Variants in ZNF782 observed in about 807,000 individuals in gnomAD.
ZNF782 encodes zinc finger protein 782.
Under a neutral mutation model 13.0 loss-of-function variants are expected in ZNF782, and 12 were observed. The observed-to-expected ratio is 0.92, with a 90% CI of 0.59 to 1.50. The LOEUF is 1.50. Among genes scored for constraint, ZNF782 ranks in the 40% most tolerant of loss-of-function variants. The pLI is 0.00. For synonymous variants in ZNF782, 284 were observed against 283.0 expected, an observed-to-expected ratio of 1.00 and a Z score of -0.04; for missense variants, 770 against 822.9, an observed-to-expected ratio of 0.94 and a Z score of 0.79.
the ZNF782 span, among the ~76,000 whole-genome samples, chr9:96,899,115 C>T: frequency 6.7e-6 from 1 of 149,892 alleles, no homozygotes; most frequent in African/African-American, 2.5e-5. Context: ...TAGTATTTTT[C>T]CTTTTATGAC....
the ZNF782 span, chr9:96,892,206 C>T: frequency 2.4e-4 from 37 of 152,248 alleles, no homozygotes; most frequent in East Asian, 1.2e-3. Flanking sequence ...TTAGCAAAGC[C>T]GTCTTCCTAT....
At chr9:96,870,554 C>T (rs570907766) in intron 1 of ZNF782, among the ~76,000 whole-genome samples, 3 of 152,320 alleles carry the variant, frequency 2.0e-5, no homozygotes, top group Admixed American at 6.5e-5. Flanking sequence ...TGCAACAACA[C>T]ACTCTTACAC....
chr9:96,894,698 T>A, the ZNF782 span: 1 of 152,110 alleles, frequency 6.6e-6, no homozygotes, highest in Non-Finnish European at 1.5e-5. Context: ...CATTGAAAAA[T>A]CTTTAACAAG....
chr9:96,864,259 A>C (rs1242751663), intron 1 of ZNF782, among the ~76,000 whole-genome samples: 2 of 151,844 alleles, frequency 1.3e-5, no homozygotes, highest in Admixed American at 6.6e-5. Context: ...CTGTAGGCAT[A>C]ATGGTTTTCT....
chr9:96,858,841 AC>A (rs1358836037), upstream of ZNF782, among the ~76,000 whole-genome samples: 1 of 152,196 alleles, frequency 6.6e-6, no homozygotes, highest in Non-Finnish European at 1.5e-5. This position sits in a 1 kb window ranked among gnomAD's most constrained non-coding sequence, Gnocchi z 4.4. Context: ...TCAGCAGTGG[AC>A]CTGTGGTGAG....
chr9:96,923,314 G>A, the ZNF782 span, among the ~76,000 whole-genome samples: 3 of 150,300 alleles, frequency 2.0e-5, no homozygotes, highest in Non-Finnish European at 4.4e-5. Context: ...CTGCACATAT[G>A]TAATCACACC....
chr9:96,820,760 G>T (rs1022916318), intron 5 of ZNF782, among the ~76,000 whole-genome samples: 8 of 152,038 alleles, frequency 5.3e-5, no homozygotes, highest in Non-Finnish European at 1.2e-4. Context: ...ATGTTGGCCA[G>T]GCTGGTCTCG....
the ZNF782 span, among the ~76,000 whole-genome samples, chr9:96,880,715 A>G: frequency 7.2e-4 from 110 of 152,292 alleles, no homozygotes; most frequent in African/African-American, 2.5e-3. Flanking sequence ...CTTTGTGTCC[A>G]TGTTCAGAAG....
At chr9:96,847,672 A>C (rs1851379259) in intron 3 of ZNF782, among the ~76,000 whole-genome samples, 1 of 152,176 alleles carries the variant, frequency 6.6e-6, no homozygotes. Context: ...GTAATTTAAA[A>C]ATTTGAAAAT....
At chr9:96,905,646 C>A in the ZNF782 span, among the ~76,000 whole-genome samples, 3 of 151,580 alleles carry the variant, frequency 2.0e-5, no homozygotes, top group African/African-American at 7.3e-5. Context: ...AGTACAGTGG[C>A]GCGATCTTGG....
chr9:96,849,364 C>A, intron 3 of ZNF782, among the ~76,000 whole-genome samples: 1 of 152,200 alleles, frequency 6.6e-6, no homozygotes, highest in East Asian at 1.9e-4. Flanking sequence ...TGCTGCTTAC[C>A]TCCTGCTGTG....
At chr9:96,831,192 AG>A (rs1416204916) in intron 4 of ZNF782, among the ~76,000 whole-genome samples, 1 of 152,192 alleles carries the variant, frequency 6.6e-6, no homozygotes, top group Non-Finnish European at 1.5e-5. Flanking sequence ...GGATAGTAAA[AG>A]GAGTTGGGCT....
chr9:96,922,357 G>A, the ZNF782 span, among the ~76,000 whole-genome samples: 3 of 152,152 alleles, frequency 2.0e-5, no homozygotes, highest in East Asian at 1.9e-4. Context: ...TGCTTCTAAC[G>A]ATGTTTAGCC....
At chr9:96,921,986 C>T in the ZNF782 span, among the ~76,000 whole-genome samples, 5,379 of 151,040 alleles carry the variant, frequency 0.036, 341 homozygotes, top group East Asian at 0.33. Context: ...GCCACTGCAC[C>T]CGGCTGATAA....
intron 4 of ZNF782, among the ~76,000 whole-genome samples, chr9:96,829,224 G>A (rs1449561771): frequency 2.0e-5 from 3 of 151,728 alleles, no homozygotes; most frequent in Non-Finnish European, 4.4e-5. Context: ...GAGATAAAGA[G>A]CACCATAAAC....
chr9:96,820,163 A>G (rs565842662), intron 5 of ZNF782, among the ~76,000 whole-genome samples: 1 of 152,340 alleles, frequency 6.6e-6, no homozygotes, highest in East Asian at 1.9e-4. Context: ...GTAGATAACA[A>G]CAACAAAAAT....
intron 1 of ZNF782, among the ~76,000 whole-genome samples, chr9:96,864,116 GTA>G (rs958928211): frequency 9.6e-5 from 14 of 146,192 alleles, no homozygotes; most frequent in African/African-American, 2.3e-4. Context: ...TATATAAAAC[GTA>G]TATATATATA....
upstream of ZNF782, among the ~76,000 whole-genome samples, chr9:96,879,939 A>C (rs1851942375): frequency 6.6e-6 from 1 of 152,156 alleles, no homozygotes; most frequent in African/African-American, 2.4e-5. Context: ...AAATAAGGAT[A>C]GACTTATTTT....
chr9:96,915,318 A>C, the ZNF782 span, among the ~76,000 whole-genome samples: 1 of 152,020 alleles, frequency 6.6e-6, no homozygotes, highest in East Asian at 1.9e-4. Context: ...GGTAAATAGC[A>C]TTATTTTCTA....
Sources: gnomAD v4.1 joint callset for allele counts (sites outside exome capture counted in the v4.1 genomes callset) on GRCh38, gnomAD v4.1.1 for gene constraint, Gnocchi (gnomAD v3.1) non-coding constraint, MANE v1.5 for transcripts, NCBI Gene and HGNC (gene_info 2026-07-23, HGNC 2026-07-21) for gene names.